The following NT5DC4 variants were observed in gnomAD, a reference collection of about 807,000 sequenced individuals.
NT5DC4 encodes the protein 5'-nucleotidase domain containing 4, also known as 5'-nucleotidase domain-containing protein 4.
A neutral mutation model predicts 26.6 loss-of-function variants in NT5DC4; 44 were observed. The observed-to-expected ratio is 1.65, with a 90% CI of 1.30 to 2.13. The LOEUF (loss-of-function observed/expected upper bound fraction) is 2.13, where lower values mean the gene tolerates loss of function less well. NT5DC4 is among the 30% of genes most tolerant of loss of function. NT5DC4 has a pLI of 0.00. For missense variants in NT5DC4, 399 were observed against 228.1 expected (o/e 1.75, Z -4.83); for synonymous variants, 157 against 86.7 (o/e 1.81, Z -4.51).
rs1677485622 is a variant in NT5DC4, at chr2:112,724,839, A to C, written c.848A>C (p.Gln283Pro). 1.4e-5 allele frequency: 10 copies of C among 717,090 alleles called. No individual in the cohort carries two copies. Among genetic ancestry groups the C allele is most frequent in the Middle Eastern group, 2.3e-4 (1 of 4,378 alleles). The allele number at this position is 717,090 out of a possible 1,614,324, so 44.4% of individuals were successfully genotyped here. Reference sequence around the variant, plus strand: ...TTTGACCTGATCGTGGTGGACACGCAGAAGCCCCACTTCTTTGCAGAGGGG... The same window carrying C: ...TTTGACCTGATCGTGGTGGACACGCCGAAGCCCCACTTCTTTGCAGAGGGG... ...SYFDLIVVDT[Q>P]KPHFFAEGLV... The change falls in exon 11 of 17, where the codon CAG becomes CCG. Residue 283 changes from glutamine to proline, a missense_variant. Coordinates refer to ENST00000688554, the MANE Select transcript of NT5DC4 (RefSeq NM_001393655.1).
chr2:112,724,563 A>G (rs1047344874), intron 10 of NT5DC4: 3 of 589,214 alleles, frequency 5.1e-6, no homozygotes, highest in Non-Finnish European at 9.1e-6. Context: ...GAGGCTGCAC[A>G]TGATGTTCAA....
downstream of NT5DC4, chr2:112,742,281 G>A (rs1259137744): frequency 2.9e-6 from 2 of 681,470 alleles, no homozygotes; most frequent in East Asian, 2.7e-5. Flanking sequence ...ACCACTGACA[G>A]TGATGGTCAT....
At chr2:112,719,547 A>G (rs550241669), upstream of NT5DC4, among the ~76,000 whole-genome samples, 18 of 126,980 alleles carry the variant, frequency 1.4e-4, no homozygotes, top group African/African-American at 2.7e-4. Context: ...GTGCAGTGGC[A>G]CGATCTTGGA....
chr2:112,725,336 A>G, intron 12 of NT5DC4, 46 bp from the exon 13 acceptor site: 1 of 688,874 alleles, frequency 1.5e-6, no homozygotes, highest in South Asian at 1.5e-5. Flanking sequence ...ACCTACCCCA[A>G]GGCAGGAAGG....
intron 8 of NT5DC4, 26 bp downstream of exon 8, chr2:112,723,494 T>C (rs1198452973): frequency 2.8e-6 from 2 of 716,528 alleles, no homozygotes; most frequent in Non-Finnish European, 5.2e-6. Context: ...CCCAGGGCCA[T>C]GGCCATCACC....
upstream of NT5DC4, among the ~76,000 whole-genome samples, chr2:112,720,987 A>G (rs1676815601): frequency 6.6e-6 from 1 of 152,194 alleles, no homozygotes; most frequent in Non-Finnish European, 1.5e-5. Context: ...TGGTGCCTGA[A>G]GCTTCTGAGG....
chr2:112,731,917 CTTTTT>C lies in NT5DC4; in HGVS notation c.1344+2232_1344+2236del, dbSNP rs749249208. Among the ~76,000 whole-genome samples the C allele has an allele frequency of 5.5e-5, 6 of 108,634 alleles. 1 individual carries two copies. Among genetic ancestry groups the C allele is most frequent in the South Asian group, 3.0e-4 (1 of 3,378 alleles). The allele number at this position is 108,634 out of a possible 152,430, so 71.3% of individuals were successfully genotyped here. A position where few individuals can be genotyped will look rare whatever the true frequency, so the allele number is the denominator to read the frequency against. On this transcript the variant is annotated intron_variant, in intron 16 of 16. Transcript: ENST00000688554. ...ACGGGCCATGGAATCAGAGAGTTTA[CTTTTT>C]TTTTTTTTTTTTTTTTTTGAGACAG...
rs1677537199 is a variant in NT5DC4, at chr2:112,725,160, C to T, written c.916-14C>T. 1 of 713,740 alleles carries T rather than the reference C, an allele frequency of 1.4e-6. No individual in the cohort carries two copies. Among genetic ancestry groups the T allele is most frequent in the Non-Finnish European group, 2.6e-6 (1 of 382,450 alleles). 44.2% of individuals were successfully genotyped at this position (713,740 alleles called of 1,614,324 possible). ...TGGTTCTCCTGGCTCCAGGGCACCCCTCTGCCCCTCCAGGACTCAGGAAAG... is the reference window on the plus strand; with the variant it reads ...TGGTTCTCCTGGCTCCAGGGCACCCTTCTGCCCCTCCAGGACTCAGGAAAG... On this transcript the variant is annotated splice_polypyrimidine_tract_variant and intron_variant, in intron 11 of 16. Coordinates refer to ENST00000688554, the MANE Select transcript of NT5DC4 (RefSeq NM_001393655.1).
intron 14 of NT5DC4, 124 bp from the exon 15 acceptor site, chr2:112,726,554 C>T (rs761399922): frequency 1.1e-4 from 78 of 696,798 alleles, no homozygotes; most frequent in Non-Finnish European, 1.7e-4. Context: ...ACACCCAGCC[C>T]GGCACCCCCA....
chr2:112,727,856 G>T (rs1417842578), intron 15 of NT5DC4, among the ~76,000 whole-genome samples: 1 of 152,152 alleles, frequency 6.6e-6, no homozygotes, highest in Non-Finnish European at 1.5e-5. Flanking sequence ...GTTCCGCTGC[G>T]GTTTCCGCCA....
At chr2:112,742,871 C>T (rs1163552731), downstream of NT5DC4, 2 of 723,930 alleles carry the variant, frequency 2.8e-6, no homozygotes, top group Non-Finnish European at 4.6e-6. Context: ...TAAAAGTTTC[C>T]TTTTAAAATC....
intron 11 of NT5DC4, 121 bp downstream of exon 11, chr2:112,725,027 C>G (rs1403463426): frequency 4.6e-6 from 3 of 653,308 alleles, no homozygotes; most frequent in Admixed American, 2.3e-5. Context: ...GCAGGGAACC[C>G]GAGGCCGCCT....
At chr2:112,737,991 C>T (rs375252836) in intron 16 of NT5DC4, 5 of 152,154 alleles carry the variant, frequency 3.3e-5, no homozygotes, top group African/African-American at 1.2e-4. Flanking sequence ...AAGGTAAAAC[C>T]TTTCCACAAA....
chr2:112,742,771 T>C, downstream of NT5DC4: 2 of 1,603,188 alleles, frequency 1.2e-6, no homozygotes, highest in Non-Finnish European at 1.7e-6. Flanking sequence ...TTGTATTGGC[T>C]GGAAGGAAGG....
At chr2:112,720,888 G>C (rs933297677), upstream of NT5DC4, among the ~76,000 whole-genome samples, 1 of 152,200 alleles carries the variant, frequency 6.6e-6, no homozygotes, top group Non-Finnish European at 1.5e-5. Context: ...CTAGAGAAAA[G>C]GATGGGATAC....
At chr2:112,739,266 T>C (rs1011575981), downstream of NT5DC4, among the ~76,000 whole-genome samples, 15 of 151,888 alleles carry the variant, frequency 9.9e-5, no homozygotes, top group African/African-American at 3.4e-4. Flanking sequence ...CCAAAAAATA[T>C]AAAAATTAGC....
intron 16 of NT5DC4, among the ~76,000 whole-genome samples, chr2:112,732,508 G>A (rs993614262): frequency 6.6e-6 from 1 of 152,126 alleles, no homozygotes; most frequent in African/African-American, 2.4e-5. Flanking sequence ...TCACTGGCCT[G>A]TGTCTTTAAA....
At chr2:112,733,326 A>ATT (rs1678701463) in intron 16 of NT5DC4, among the ~76,000 whole-genome samples, 2 of 148,132 alleles carry the variant, frequency 1.4e-5, no homozygotes, top group Admixed American at 1.4e-4. Flanking sequence ...GAAGCACACC[A>ATT]TTGCTTCCAA....
At chr2:112,738,797 C>A (rs752907268) in intron 16 of NT5DC4, 116 bp from the exon 17 acceptor site, 6 of 1,475,050 alleles carry the variant, frequency 4.1e-6, no homozygotes, top group South Asian at 1.1e-5. Context: ...TTCTGAAACA[C>A]CTTTTTTAAA....
Sources: allele counts gnomAD v4.1 joint callset (sites outside exome capture counted in the v4.1 genomes callset), GRCh38; gene constraint gnomAD v4.1.1; transcripts MANE v1.5; gene names NCBI Gene and HGNC (gene_info 2026-07-23, HGNC 2026-07-21).